Variants in CFAP157 observed in about 807,000 individuals in gnomAD.
The protein encoded by CFAP157 is cilia and flagella associated protein 157.
A neutral mutation model predicts 57.8 loss-of-function variants in CFAP157; 43 were observed. The observed-to-expected ratio is 0.74, with a 90% CI of 0.58 to 0.96. The LOEUF (loss-of-function observed/expected upper bound fraction) is 0.96, where lower values mean the gene tolerates loss of function less well. CFAP157 is among the 40% of genes least tolerant of loss of function. The pLI, the probability that CFAP157 is intolerant of heterozygous loss-of-function variation, is 0.00. For missense variants in CFAP157, 606 were observed against 655.3 expected, an observed-to-expected ratio of 0.92 and a Z score of 0.82; for synonymous variants, 267 against 269.0, an observed-to-expected ratio of 0.99 and a Z score of 0.07.
chr9:127,711,200 A>T (rs1842758057), intron 3 of CFAP157, 29 bp from the exon 4 acceptor site: 2 of 1,608,312 alleles, frequency 1.2e-6, no homozygotes, highest in African/African-American at 2.7e-5. Context: ...GCTCTGTCTG[A>T]CCCCTTCCCC....
At position 127,709,072 on chromosome 9, in the gene CFAP157, C is replaced by G. The variant is rs1052212004; in HGVS notation, c.162-350C>G. ...ATCTGTCAAATAGGTATAAAATCAT[C>G]ATAGTACCTACATTCTTATAGGTTG... is the stretch of plus-strand genomic sequence containing the variant. On this transcript the variant is annotated intron_variant, in intron 1 of 8. Coordinates refer to ENST00000373295, the MANE Select transcript of CFAP157 (RefSeq NM_001012502.3). This position sits in a 1 kb window ranked among gnomAD's most constrained non-coding sequence, Gnocchi z 4.7. 2.6e-5 allele frequency among the ~76,000 whole-genome samples: 4 copies of G among 152,218 alleles called. No homozygotes were observed. Among genetic ancestry groups the G allele is most frequent in the African/African-American group, 7.2e-5 (3 of 41,462 alleles).
In CFAP157 at chr9:127,714,165, G is replaced by A. The variant is rs1204139984; in HGVS notation, c.*260G>A. The stretch of plus-strand genomic sequence containing the variant: ...TGGTCCAAGATCAGGTCGGTGGCTC[G>A]ATCCAGCAACAGAGGCAGCAGCTCC... On this transcript the variant is annotated 3_prime_UTR_variant, in exon 9 of 9. Transcript: ENST00000373295. The A allele has an allele frequency of 7.4e-6, 12 of 1,613,912 alleles. No individual in the cohort carries two copies. Among genetic ancestry groups the A allele is most frequent in the East Asian group, 2.2e-5 (1 of 44,878 alleles).
chr9:127,711,575 C>G lies in CFAP157; in HGVS notation c.855+79C>G, dbSNP rs1041345832. 7 of 1,527,722 alleles carry G rather than the reference C, an allele frequency of 4.6e-6. No homozygotes were observed. In the South Asian group the frequency reaches 5.0e-5, roughly 11 times the overall value. The allele number at this position is 1,527,722 out of a possible 1,614,324, so 94.6% of individuals were successfully genotyped here. A position where few individuals can be genotyped will look rare whatever the true frequency, so the allele number is the denominator to read the frequency against. Reference sequence around the variant, plus strand: ...CCTGGGGGCCCTGCAGGGGTAGAGTCAGGGGCAGTCAAGTCAGGAGGGAGG... The same window carrying G: ...CCTGGGGGCCCTGCAGGGGTAGAGTGAGGGGCAGTCAAGTCAGGAGGGAGG... On this transcript the variant is annotated intron_variant, in intron 4 of 8. Transcript: ENST00000373295.
In CFAP157 at chr9:127,707,134, A is replaced by G. The variant is rs1178511599; in HGVS notation, c.103A>G (p.Lys35Glu). The change falls in exon 1 of 9, where the codon AAG (lysine) becomes GAG (glutamate). Residue 35 changes from lysine to glutamate, a missense_variant. By Grantham distance (56) the Lys-to-Glu change is moderately conservative (BLOSUM62 1). Coordinates refer to ENST00000373295, the MANE Select transcript of CFAP157 (RefSeq NM_001012502.3). ...PVVAVEPPLA[K>E]EMKEFYHIQI... Reference sequence around the variant, plus strand: ...GGTGGCCGTGGAGCCGCCTCTGGCCAAGGAGATGAAGGAGTTCTACCACAT... The same window carrying G: ...GGTGGCCGTGGAGCCGCCTCTGGCCGAGGAGATGAAGGAGTTCTACCACAT... 9 of 1,613,662 alleles carry G rather than the reference A, an allele frequency of 5.6e-6. No individual in the cohort carries two copies. In the Admixed American group the frequency reaches 1.5e-4, roughly 27 times the overall value.
Position 127,714,083 on chromosome 9 carries a change from AGCCATG to A in CFAP157, c.*183_*188del. ...TGGTGGGCACTACAGTCAGGCAGGC[AGCCATG>A]GCCACTAGTGTCACGGCCCCAGTGA... On this transcript the variant is annotated 3_prime_UTR_variant, in exon 9 of 9. Transcript: ENST00000373295. 1.2e-6 allele frequency: 2 copies of A among 1,609,050 alleles called. No homozygotes were observed. The highest frequency in any genetic ancestry group is 2.2e-5 in the South Asian group (2 of 90,678).
chr9:127,708,506 A>T (rs73600040), intron 1 of CFAP157, among the ~76,000 whole-genome samples: 7,991 of 152,138 alleles, frequency 0.053, 721 homozygotes, highest in African/African-American at 0.18. Flanking sequence ...TAATTTAATT[A>T]AAAAAAACTT....
intron 2 of CFAP157, 59 bp from the exon 3 acceptor site, chr9:127,710,542 C>T (rs1431682506): frequency 1.7e-5 from 27 of 1,545,446 alleles, no homozygotes; most frequent in Non-Finnish European, 2.0e-5. Flanking sequence ...TTAAGGTCCT[C>T]GCCAGGCCCT....
chr9:127,711,766 T>G (rs1842770267), intron 4 of CFAP157, 54 bp from the exon 5 acceptor site: 1 of 1,532,576 alleles, frequency 6.5e-7, no homozygotes, highest in Non-Finnish European at 8.8e-7. Context: ...TGGCTGTGTC[T>G]GCAGCTGGGG....
chr9:127,715,182 C>G lies in CFAP157; in HGVS notation c.*1277C>G. The stretch of plus-strand genomic sequence containing the variant: ...CGCGTGCCGGGCAGTCCGGGATTCC[C>G]CAGGCCAGCCACCTGCGGGCGGCAC... On this transcript the variant is annotated 3_prime_UTR_variant, in exon 9 of 9. Transcript: ENST00000373295. The surrounding 1 kb of genome is among the most constrained non-coding windows in gnomAD (Gnocchi z 5.8). The G allele has an allele frequency of 6.5e-7, 1 of 1,526,722 alleles. No homozygotes were observed. The highest frequency in any genetic ancestry group is 8.8e-7 in the Non-Finnish European group (1 of 1,141,170). The allele number at this position is 1,526,722 out of a possible 1,614,324, so 94.6% of individuals were successfully genotyped here. A position where few individuals can be genotyped will look rare whatever the true frequency, so the allele number is the denominator to read the frequency against.
Position 127,715,833 on chromosome 9 carries a change from C to T in CFAP157, c.*1928C>T, listed in dbSNP as rs1842967765. On this transcript the variant is annotated 3_prime_UTR_variant, in exon 9 of 9. Coordinates refer to ENST00000373295, the MANE Select transcript of CFAP157 (RefSeq NM_001012502.3). This position sits in a 1 kb window ranked among gnomAD's most constrained non-coding sequence, Gnocchi z 5.8. ...CCAGGCGCCTTCAGTAGCGCGGCGT[C>T]ACAGTGTCCCTTCGGGACTTGTGTG... 5 of 1,108,774 alleles carry T rather than the reference C, an allele frequency of 4.5e-6. No individual in the cohort carries two copies. Among genetic ancestry groups the T allele is most frequent in the Non-Finnish European group, 3.8e-6 (3 of 782,092 alleles). The allele number at this position is 1,108,774 out of a possible 1,614,324, so 68.7% of individuals were successfully genotyped here.
chr9:127,711,637 C>A, intron 4 of CFAP157, 141 bp downstream of exon 4: 2 of 1,197,818 alleles, frequency 1.7e-6, no homozygotes, highest in South Asian at 1.5e-5. Context: ...CCTGTGGGGG[C>A]TGCAGGGTGC....
At position 127,710,664 on chromosome 9, in the gene CFAP157, C is replaced by T; in HGVS notation, c.497C>T (p.Thr166Ile). The T allele has an allele frequency of 6.3e-7, 1 of 1,585,696 alleles. No individual in the cohort carries two copies. Among genetic ancestry groups the T allele is most frequent in the Non-Finnish European group, 8.6e-7 (1 of 1,165,612 alleles). ...LQKEEVTDKF[T>I]LLEEQVRKQE... is the part of the protein sequence containing the mutation. The stretch of plus-strand genomic sequence containing the variant: ...AAAGAGGAGGTCACGGACAAGTTCA[C>T]ATTGCTGGAGGAGCAGGTGCGGAAG... Residue 166 changes from threonine to isoleucine, a missense_variant, in exon 3 of 9, where the codon ACA becomes ATA. Thr to Ile is a moderately conservative substitution (Grantham distance 89, BLOSUM62 -1). Transcript: ENST00000373295.
At position 127,713,916 on chromosome 9, in the gene CFAP157, G is replaced by C. The variant is rs1245471652; in HGVS notation, c.*11G>C. The C allele has an allele frequency of 6.2e-7, 1 of 1,612,806 alleles. No homozygotes were observed. Among genetic ancestry groups the C allele is most frequent in the Admixed American group, 1.7e-5 (1 of 60,014 alleles). Reference sequence around the variant, plus strand: ...CTACGTCCCAAGTAGGACACAGAGAGAAGAACCTACTCCAGAAATGGACTG... The same window carrying C: ...CTACGTCCCAAGTAGGACACAGAGACAAGAACCTACTCCAGAAATGGACTG... On this transcript the variant is annotated 3_prime_UTR_variant, in exon 9 of 9. Transcript: ENST00000373295.
chr9:127,712,628 G>A lies in CFAP157; in HGVS notation c.1138-81G>A, dbSNP rs1372843486. ...AGACAGGGAAAACTTCGTGGAAATG[G>A]GCACTGAGGTTGGAATTTCCTGGAC... On this transcript the variant is annotated intron_variant, in intron 6 of 8. Coordinates refer to ENST00000373295, the MANE Select transcript of CFAP157 (RefSeq NM_001012502.3). 3.7e-6 allele frequency: 6 copies of A among 1,609,840 alleles called. No individual in the cohort carries two copies. In the African/African-American group the frequency reaches 8.0e-5, roughly 22 times the overall value.
Position 127,711,221 on chromosome 9 carries a change from C to G in CFAP157, c.588-8C>G, listed in dbSNP as rs1303407529. 6.2e-7 allele frequency: 1 copy of G among 1,612,802 alleles called. No homozygotes were observed. Among genetic ancestry groups the G allele is most frequent in the Non-Finnish European group, 8.5e-7 (1 of 1,179,132 alleles). On this transcript the variant is annotated splice_region_variant and splice_polypyrimidine_tract_variant and intron_variant, in intron 3 of 8. Coordinates refer to ENST00000373295, the MANE Select transcript of CFAP157 (RefSeq NM_001012502.3). ...TCTGACCCCTTCCCCTCCCACCTTT[C>G]TGGCCAGACTGAGGAAAGAGATCAT...
At position 127,713,079 on chromosome 9, in the gene CFAP157, C is replaced by A. The variant is rs1564367499; in HGVS notation, c.1364C>A (p.Thr455Asn). Residue 455 changes from threonine to asparagine, a missense_variant, in exon 8 of 9, where the codon ACC (threonine) becomes AAC (asparagine). Thr to Asn is a moderately conservative substitution (Grantham distance 65, BLOSUM62 0). Transcript: ENST00000373295. ...CTGCTGCCGCAGCTCTCTGACATCA[C>A]CCCCTACCAGCCGGGGGATCTAGGC... is the stretch of plus-strand genomic sequence containing the variant. Reference protein sequence around the residue: ...GSLLPQLSDITPYQPGDLGLV... With the variant: ...GSLLPQLSDINPYQPGDLGLV... 6.2e-7 allele frequency: 1 copy of A among 1,613,872 alleles called. No homozygotes were observed. Among genetic ancestry groups the A allele is most frequent in the African/African-American group, 1.3e-5 (1 of 75,060 alleles).
intron 2 of CFAP157, among the ~76,000 whole-genome samples, chr9:127,710,300 C>A (rs58494572): frequency 0.053 from 7,270 of 136,682 alleles, 430 homozygotes; most frequent in African/African-American, 0.14. Flanking sequence ...AAAAAAAAAA[C>A]AAAACAGTTG....
At chr9:127,710,515 G>A (rs1271661207) in intron 2 of CFAP157, 86 bp from the exon 3 acceptor site, 20 of 1,484,536 alleles carry the variant, frequency 1.3e-5, no homozygotes, top group Non-Finnish European at 1.8e-5. Context: ...GAAGGGACAG[G>A]GACCTAAGGG....
chr9:127,714,187 C>T lies in CFAP157; in HGVS notation c.*282C>T, dbSNP rs762138186. On this transcript the variant is annotated 3_prime_UTR_variant, in exon 9 of 9. Transcript: ENST00000373295. ...CTCGATCCAGCAACAGAGGCAGCAG[C>T]TCCTGCTCAGCAGGGGAGAAGCAGC... is the stretch of plus-strand genomic sequence containing the variant. 3.1e-6 allele frequency: 5 copies of T among 1,613,970 alleles called. No homozygotes were observed. The highest frequency in any genetic ancestry group is 4.2e-6 in the Non-Finnish European group (5 of 1,180,018).
Sources: allele counts gnomAD v4.1 joint callset (sites outside exome capture counted in the v4.1 genomes callset), GRCh38; gene constraint gnomAD v4.1.1; non-coding constraint Gnocchi (gnomAD v3.1); transcripts MANE v1.5; gene names NCBI Gene and HGNC (gene_info 2026-07-23, HGNC 2026-07-21).